SLIT2: variants seen among roughly 807,000 people sequenced by gnomAD.
The protein encoded by SLIT2 is slit guidance ligand 2, also known as slit homolog 2 protein.
Under a neutral mutation model 185.7 loss-of-function variants are expected in SLIT2, and 41 were observed. The observed-to-expected ratio is 0.22, with a 90% CI of 0.17 to 0.29. The LOEUF (loss-of-function observed/expected upper bound fraction) is 0.29. Among genes scored for constraint, SLIT2 ranks in the 10% least tolerant of loss-of-function variants. The pLI is 1.00. For missense variants in SLIT2, 1,571 were observed against 1,909.0 expected, an observed-to-expected ratio of 0.82 and a Z score of 3.30; for synonymous variants, 693 against 680.2, an observed-to-expected ratio of 1.02 and a Z score of -0.29.
intron 29 of SLIT2, among the ~76,000 whole-genome samples, chr4:20,574,390 A>G (rs1725893661): frequency 6.6e-6 from 1 of 152,246 alleles, no homozygotes. Context: ...AAAGTCTTCA[A>G]GTACCAAATG....
At chr4:20,609,870 A>T (rs977723748) in intron 33 of SLIT2, 143 bp from the exon 34 acceptor site, 1 of 665,262 alleles carries the variant, frequency 1.5e-6, no homozygotes, top group Admixed American at 3.7e-5. Context: ...TTTTGAAAAA[A>T]AATTCAACTA....
In SLIT2 at chr4:20,278,350, C is replaced by T. The variant is rs758059039; in HGVS notation, c.395+9469C>T. 7.6e-4 allele frequency among the ~76,000 whole-genome samples: 115 copies of T among 152,166 alleles called. 1 individual carries two copies. The highest frequency in any genetic ancestry group is 2.9e-4 in the Non-Finnish European group (20 of 67,976). ...TGTTAAAATCTCTCAATAAAAAGCC[C>T]TGCTTTTAACTAAGGATTATACCCT... is the stretch of plus-strand genomic sequence containing the variant. On this transcript the variant is annotated intron_variant, in intron 4 of 36. Transcript: ENST00000504154.
chr4:20,277,008 A>G (rs1281220121), intron 4 of SLIT2, among the ~76,000 whole-genome samples: 5 of 152,224 alleles, frequency 3.3e-5, no homozygotes, highest in African/African-American at 1.2e-4. Context: ...CTGGAAGTCG[A>G]GTAGGCGCAA....
intron 26 of SLIT2, among the ~76,000 whole-genome samples, chr4:20,561,225 G>A (rs557186202): frequency 1.5e-4 from 23 of 151,884 alleles, no homozygotes; most frequent in African/African-American, 4.6e-4. Flanking sequence ...AAGGCCAGCT[G>A]AAGGATCAAA....
chr4:20,261,589 G>A (rs747319707), intron 3 of SLIT2, among the ~76,000 whole-genome samples: 3 of 151,808 alleles, frequency 2.0e-5, no homozygotes, highest in Admixed American at 6.6e-5. Flanking sequence ...CCCAGATCAT[G>A]TCAGGGTTCC....
chr4:20,278,743 G>A (rs1047375393), intron 4 of SLIT2, among the ~76,000 whole-genome samples: 15 of 129,842 alleles, frequency 1.2e-4, no homozygotes, highest in African/African-American at 4.0e-4. Flanking sequence ...AATAGCCAGG[G>A]TATTCTAAAT....
At chr4:20,392,810 G>A (rs1377748467) in intron 4 of SLIT2, among the ~76,000 whole-genome samples, 13 of 152,032 alleles carry the variant, frequency 8.6e-5, no homozygotes, top group Non-Finnish European at 1.9e-4. Flanking sequence ...CAGCTGGAAT[G>A]TCTTCAGAAG....
At chr4:20,595,905 T>C in intron 31 of SLIT2, 71 bp downstream of exon 31, 1 of 1,297,240 alleles carries the variant, frequency 7.7e-7, no homozygotes, top group South Asian at 1.3e-5. Flanking sequence ...TAGTCAGTAA[T>C]AGTGTAATCG....
chr4:20,536,378 G>A (rs968102189), intron 18 of SLIT2, among the ~76,000 whole-genome samples: 1 of 152,098 alleles, frequency 6.6e-6, no homozygotes, highest in Admixed American at 6.5e-5. Context: ...CCAATATGGT[G>A]AAACCCCATC....
intron 4 of SLIT2, among the ~76,000 whole-genome samples, chr4:20,347,534 G>A (rs1032845422): frequency 6.6e-6 from 1 of 152,166 alleles, no homozygotes; most frequent in Non-Finnish European, 1.5e-5. Context: ...TTTCACCAAA[G>A]ATAAGTCAGA....
At chr4:20,338,065 A>G (rs1720654350) in intron 4 of SLIT2, among the ~76,000 whole-genome samples, 1 of 152,182 alleles carries the variant, frequency 6.6e-6, no homozygotes, top group Admixed American at 6.5e-5. Context: ...ATAAATTATT[A>G]GGTAATTTTT....
chr4:20,573,147 G>A, intron 29 of SLIT2: 1 of 702,146 alleles, frequency 1.4e-6, no homozygotes, highest in Non-Finnish European at 2.6e-6. Context: ...CTTCTCTGTT[G>A]TGAACGCTGC....
intron 11 of SLIT2, among the ~76,000 whole-genome samples, chr4:20,511,396 C>G (rs1260809295): frequency 6.7e-6 from 1 of 150,154 alleles, no homozygotes; most frequent in African/African-American, 2.4e-5. Flanking sequence ...GAGTTAGATC[C>G]CCTTTTTGAC....
At chr4:20,510,291 A>T (rs1213404867) in intron 9 of SLIT2, among the ~76,000 whole-genome samples, 2 of 152,186 alleles carry the variant, frequency 1.3e-5, no homozygotes, top group Non-Finnish European at 2.9e-5. Flanking sequence ...TATTTTAATT[A>T]TGTTTATAAT....
chr4:20,363,846 G>A (rs1486368710), intron 4 of SLIT2, among the ~76,000 whole-genome samples: 1 of 152,136 alleles, frequency 6.6e-6, no homozygotes, highest in African/African-American at 2.4e-5. Flanking sequence ...ACGGGGCATT[G>A]TAGAATAAAA....
At position 20,416,977 on chromosome 4, in the gene SLIT2, T is replaced by C. The variant is rs1160562706; in HGVS notation, c.396-50775T>C. Among the ~76,000 whole-genome samples, 4 of 151,452 alleles carry C rather than the reference T, an allele frequency of 2.6e-5. No homozygotes were observed. The East Asian group carries it at 7.7e-4, about 29-fold the overall frequency. Reference sequence around the variant, plus strand: ...GCTATCAAATCTTTTTTTTTTTTTTTTCACTCAAGTGCGACACATTTAAAT... The same window carrying C: ...GCTATCAAATCTTTTTTTTTTTTTTCTCACTCAAGTGCGACACATTTAAAT... On this transcript the variant is annotated intron_variant, in intron 4 of 36. Transcript: ENST00000504154.
At chr4:20,323,926 A>G (rs1328574384) in intron 4 of SLIT2, among the ~76,000 whole-genome samples, 3 of 152,210 alleles carry the variant, frequency 2.0e-5, no homozygotes, top group Non-Finnish European at 4.4e-5. Flanking sequence ...ACAATATTTT[A>G]AATTTGGAAG....
intron 4 of SLIT2, among the ~76,000 whole-genome samples, chr4:20,312,794 G>T (rs946062455): frequency 7.2e-4 from 92 of 128,182 alleles, no homozygotes; most frequent in African/African-American, 2.3e-3. Context: ...AAAAAAAAAA[G>T]AAAGAAAAGA....
chr4:20,561,310 A>G (rs184010452), intron 26 of SLIT2, among the ~76,000 whole-genome samples: 105 of 151,894 alleles, frequency 6.9e-4, no homozygotes, highest in Non-Finnish European at 1.0e-3. Context: ...CTCTAATTTT[A>G]TATGTTAGGA....
Sources: gnomAD v4.1 joint callset for allele counts (sites outside exome capture counted in the v4.1 genomes callset) on GRCh38, gnomAD v4.1.1 for gene constraint, MANE v1.5 for transcripts, NCBI Gene and HGNC (gene_info 2026-07-23, HGNC 2026-07-21) for gene names.